The following ADAMTS3 variants were observed in gnomAD, a reference collection of about 807,000 sequenced individuals.
The protein encoded by ADAMTS3 is ADAM metallopeptidase with thrombospondin type 1 motif 3.
ADAMTS3 carries 73 observed loss-of-function variants against 129.0 expected under a neutral mutation model. That is an observed-to-expected ratio of 0.57 (90% CI 0.47 to 0.69). The LOEUF is 0.69. Ranked by LOEUF, ADAMTS3 falls within the 30% of genes least tolerant of loss-of-function variation. The probability of loss-of-function intolerance (pLI) is 0.00; values close to 1 mark genes in which losing one functional copy is unlikely to be tolerated. For synonymous variants in ADAMTS3, 477 were observed against 510.8 expected (o/e 0.93, Z 0.89); for missense variants, 1,457 against 1,514.5 (o/e 0.96, Z 0.63).
At chr4:72,457,514 C>T (rs904085261) in intron 3 of ADAMTS3, among the ~76,000 whole-genome samples, 100 of 151,638 alleles carry the variant, frequency 6.6e-4, no homozygotes, top group East Asian at 5.9e-4. Context: ...AAATAAAATG[C>T]GGTTGTTCCT....
At chr4:72,405,038 A>G (rs951879695) in intron 4 of ADAMTS3, among the ~76,000 whole-genome samples, 1 of 152,098 alleles carries the variant, frequency 6.6e-6, no homozygotes, top group Non-Finnish European at 1.5e-5. Context: ...TGGTAAGAAA[A>G]ATAAGTATTG....
At position 72,355,782 on chromosome 4, in the gene ADAMTS3, CATCT is replaced by C. The variant is rs1456078660; in HGVS notation, c.662-16093_662-16090del. On this transcript the variant is annotated intron_variant, in intron 4 of 21. Transcript: ENST00000286657. ...AATTTATCTTCTTTATAAATTACTC[CATCT>C]GTCTTATTTTGTTATAATAGCACAA... Among the ~76,000 whole-genome samples the C allele has an allele frequency of 3.9e-5, 6 of 151,996 alleles. No individual in the cohort carries two copies. In the East Asian group the frequency reaches 1.2e-3, roughly 29 times the overall value.
intron 4 of ADAMTS3, among the ~76,000 whole-genome samples, chr4:72,340,820 TAG>T (rs1415520664): frequency 3.3e-5 from 5 of 152,334 alleles, no homozygotes; most frequent in Admixed American, 3.3e-4. Context: ...GGATTAAAAT[TAG>T]AGAGTATTCA....
At chr4:72,473,964 G>A (rs181089766) in intron 3 of ADAMTS3, among the ~76,000 whole-genome samples, 1 of 152,294 alleles carries the variant, frequency 6.6e-6, no homozygotes, top group Admixed American at 6.5e-5. Flanking sequence ...CTCCCACCCA[G>A]CAGTAATGAG....
At position 72,290,944 on chromosome 4, in the gene ADAMTS3, T is replaced by A; in HGVS notation, c.2842A>T (p.Lys948Ter). 1 of 1,614,114 alleles carries A rather than the reference T, an allele frequency of 6.2e-7. No homozygotes were observed. Residue 948 changes from lysine to a stop codon, truncating the protein, a stop_gained, in exon 20 of 22, where the codon AAA (lysine) becomes TAA (stop). Coordinates refer to ENST00000286657, the MANE Select transcript of ADAMTS3 (RefSeq NM_014243.3). LOFTEE classifies it high-confidence loss of function. ...TCGGGACGGTCACCCATGCAGTATT[T>A]GCTGTGCACAGAGCGGTTGGTGCCA... is the stretch of plus-strand genomic sequence containing the variant. ...LDGTNRSVHS[K>*]YCMGDRPESR...
chr4:72,418,659 A>C (rs1722369802), intron 3 of ADAMTS3, among the ~76,000 whole-genome samples: 1 of 152,234 alleles, frequency 6.6e-6, no homozygotes, highest in African/African-American at 2.4e-5. Flanking sequence ...CATGGCTCAC[A>C]GCCAGCTGCA....
At chr4:72,506,988 C>A (rs1233163763) in intron 3 of ADAMTS3, among the ~76,000 whole-genome samples, 1 of 152,044 alleles carries the variant, frequency 6.6e-6, no homozygotes, top group Non-Finnish European at 1.5e-5. Flanking sequence ...TAAATTTTTT[C>A]TTTGAGGGGA....
intron 4 of ADAMTS3, among the ~76,000 whole-genome samples, chr4:72,369,006 A>G (rs1720937921): frequency 3.3e-5 from 5 of 152,206 alleles, no homozygotes; most frequent in African/African-American, 1.2e-4. Context: ...CTTTCATGCA[A>G]TTAAAATTTA....
intron 3 of ADAMTS3, among the ~76,000 whole-genome samples, chr4:72,542,903 T>A (rs755139087): frequency 6.6e-6 from 1 of 152,256 alleles, no homozygotes; most frequent in African/African-American, 2.4e-5. Flanking sequence ...TTTGTTGTTC[T>A]TTCTTTTCTT....
intron 3 of ADAMTS3, among the ~76,000 whole-genome samples, chr4:72,468,135 ATTG>A (rs1718970560): frequency 2.6e-5 from 4 of 152,120 alleles, no homozygotes; most frequent in Admixed American, 2.6e-4. Context: ...AACATTCTTC[ATTG>A]TATATCTAAA....
intron 3 of ADAMTS3, among the ~76,000 whole-genome samples, chr4:72,525,665 A>G (rs572794381): frequency 7.9e-5 from 12 of 152,272 alleles, no homozygotes; most frequent in Non-Finnish European, 1.3e-4. Context: ...CTGTTTTCCT[A>G]GGCTTTGCTC....
chr4:72,306,259 C>CT (rs757045809), intron 15 of ADAMTS3, among the ~76,000 whole-genome samples, 192 bp from the exon 16 acceptor site: 15 of 148,776 alleles, frequency 1.0e-4, no homozygotes, highest in East Asian at 5.9e-4. Flanking sequence ...TTAGAGGCAA[C>CT]TTTTTTTTTT....
chr4:72,529,971 A>ATATATAATATATAATATATTATATT (rs1720937115), intron 3 of ADAMTS3, among the ~76,000 whole-genome samples: 2 of 1,084 alleles, frequency 1.8e-3, no homozygotes, highest in Non-Finnish European at 0.025. Context: ...TATTATATTT[A>ATATATAATATATAATATATTATATT]TATATAAATA....
chr4:72,383,356 G>A (rs1003163845), intron 4 of ADAMTS3, among the ~76,000 whole-genome samples: 23 of 152,216 alleles, frequency 1.5e-4, no homozygotes, highest in Admixed American at 2.0e-4. Flanking sequence ...TGAGTTTTCT[G>A]ATTGTATGGC....
intron 4 of ADAMTS3, 47 bp downstream of exon 4, chr4:72,414,768 A>G: frequency 7.7e-7 from 1 of 1,306,960 alleles, no homozygotes; most frequent in Non-Finnish European, 9.9e-7. Context: ...TGTTTTCATC[A>G]TATCTTAAAA....
intron 3 of ADAMTS3, among the ~76,000 whole-genome samples, chr4:72,542,916 T>G (rs788914): frequency 0.031 from 4,796 of 152,278 alleles, 287 homozygotes; most frequent in African/African-American, 0.11. Context: ...CTTTTCTTCT[T>G]CTGCTGCTGC....
intron 3 of ADAMTS3, among the ~76,000 whole-genome samples, chr4:72,506,807 ATGTGGC>A (rs1720170572): frequency 6.6e-6 from 1 of 152,204 alleles, no homozygotes; most frequent in Non-Finnish European, 1.5e-5. Flanking sequence ...AGTCTCTGTC[ATGTGGC>A]TGTTTGCCCA....
chr4:72,561,155 A>G (rs1422992719), intron 2 of ADAMTS3, among the ~76,000 whole-genome samples: 1 of 152,120 alleles, frequency 6.6e-6, no homozygotes, highest in Non-Finnish European at 1.5e-5. Flanking sequence ...GTTCAGGACC[A>G]GCTGGCCAAG....
intron 3 of ADAMTS3, among the ~76,000 whole-genome samples, chr4:72,489,132 A>G (rs953407009): frequency 6.6e-6 from 1 of 151,964 alleles, no homozygotes; most frequent in African/African-American, 2.4e-5. Context: ...AAAGCTGAAT[A>G]AAGGTTTAGA....
Sources: gnomAD v4.1 joint callset for allele counts (sites outside exome capture counted in the v4.1 genomes callset) on GRCh38, gnomAD v4.1.1 for gene constraint, MANE v1.5 for transcripts, NCBI Gene and HGNC (gene_info 2026-07-23, HGNC 2026-07-21) for gene names.